The following RALY variants were observed in gnomAD, a reference collection of about 807,000 sequenced individuals.
The protein encoded by RALY is RALY heterogeneous nuclear ribonucleoprotein.
A neutral mutation model predicts 30.7 loss-of-function variants in RALY; 15 were observed. That is an observed-to-expected ratio of 0.49 (90% CI 0.33 to 0.75). The LOEUF is 0.75. Ranked by LOEUF, RALY falls within the 30% of genes least tolerant of loss-of-function variation. RALY has a pLI of 0.02. For missense variants in RALY, 339 were observed against 414.3 expected, an observed-to-expected ratio of 0.82 and a Z score of 1.58; for synonymous variants, 177 against 170.8, an observed-to-expected ratio of 1.04 and a Z score of -0.28.
intron 6 of RALY, 46 bp from the exon 7 acceptor site, chr20:34,076,656 G>A: frequency 6.6e-7 from 1 of 1,525,272 alleles, no homozygotes; most frequent in Non-Finnish European, 9.1e-7. Context: ...CTAGTGTCAA[G>A]CCTCCAGCCC....
At chr20:34,071,957 ATAAGGGTTAAGGAAGG>A in intron 2 of RALY, 93 bp from the exon 3 acceptor site, 1 of 1,241,254 alleles carries the variant, frequency 8.1e-7, no homozygotes, top group South Asian at 1.5e-5. Flanking sequence ...GCTGGATGCT[ATAAGGGTTAAGGAAGG>A]TAAGAGGCAA....
chr20:34,056,032 G>A (rs1297334362), intron 2 of RALY, among the ~76,000 whole-genome samples: 1 of 152,156 alleles, frequency 6.6e-6, no homozygotes, highest in African/African-American at 2.4e-5. Context: ...ACTTACAAGT[G>A]CCTCCTTACT....
At position 34,083,254 on chromosome 20, in the gene RALY, C is replaced by G. The variant is rs542194929; in HGVS notation, c.*3349C>G. The G allele has an allele frequency of 5.3e-5, 8 of 152,282 alleles. No individual in the cohort carries two copies. Among genetic ancestry groups the G allele is most frequent in the African/African-American group, 1.9e-4 (8 of 41,536 alleles). The allele number at this position is 152,282 out of a possible 1,614,324, so 9.4% of individuals were successfully genotyped here. ...TTATCTCATCTGGGCCCTCGTGTGGCTGAAGTGAGCTGGCAGATCAGCTGG... is the reference window on the plus strand; with the variant it reads ...TTATCTCATCTGGGCCCTCGTGTGGGTGAAGTGAGCTGGCAGATCAGCTGG... On this transcript the variant is annotated 3_prime_UTR_variant, in exon 10 of 10. Transcript: ENST00000246194.
chr20:34,036,133 A>C (rs1238538475), intron 2 of RALY, among the ~76,000 whole-genome samples: 1 of 151,998 alleles, frequency 6.6e-6, no homozygotes, highest in Non-Finnish European at 1.5e-5. Context: ...ATAATCTGAC[A>C]TCCATTAAAA....
chr20:34,053,102 C>T (rs980690392), intron 2 of RALY, among the ~76,000 whole-genome samples: 17 of 151,914 alleles, frequency 1.1e-4, no homozygotes, highest in African/African-American at 3.6e-4. Flanking sequence ...TCAGGTGATC[C>T]GCCTGCCTCG....
chr20:34,000,713 T>C (rs1482848757), intron 1 of RALY, among the ~76,000 whole-genome samples: 1 of 152,192 alleles, frequency 6.6e-6, no homozygotes, highest in African/African-American at 2.4e-5. Context: ...TACTTGGGTT[T>C]CTTAGAGGGT....
At chr20:34,023,782 A>G (rs542242380) in intron 1 of RALY, among the ~76,000 whole-genome samples, 1 of 152,000 alleles carries the variant, frequency 6.6e-6, no homozygotes, top group Admixed American at 6.5e-5. Context: ...CCTTATTCCC[A>G]ATCAGGCCAC....
intron 1 of RALY, among the ~76,000 whole-genome samples, chr20:34,028,464 G>A (rs931232170): frequency 6.6e-6 from 1 of 151,678 alleles, no homozygotes; most frequent in African/African-American, 2.4e-5. Flanking sequence ...GGCAGATTTG[G>A]GAGGCCGAGG....
intron 2 of RALY, among the ~76,000 whole-genome samples, chr20:34,060,320 C>T (rs748887082): frequency 6.6e-6 from 1 of 152,190 alleles, no homozygotes; most frequent in Non-Finnish European, 1.5e-5. Flanking sequence ...TGAGTGCCAA[C>T]ATCACATTCA....
At chr20:34,026,620 C>T (rs1344192680) in intron 1 of RALY, among the ~76,000 whole-genome samples, 1 of 151,560 alleles carries the variant, frequency 6.6e-6, no homozygotes, top group Non-Finnish European at 1.5e-5. Flanking sequence ...CCGTGTTAGC[C>T]AGGATGGTCT....
chr20:33,995,826 GTCT>G (rs1313442654), intron 1 of RALY, among the ~76,000 whole-genome samples: 2 of 152,146 alleles, frequency 1.3e-5, no homozygotes, highest in Non-Finnish European at 2.9e-5. Context: ...AAAATTTCCA[GTCT>G]TCTTCCTCCT....
In RALY at chr20:34,026,969, T is replaced by A. The variant is rs148880479; in HGVS notation, c.-92-4553T>A. 3.5e-3 allele frequency among the ~76,000 whole-genome samples: 527 copies of A among 152,264 alleles called. 4 individuals are homozygous for A. The highest frequency in any genetic ancestry group is 0.011 in the African/African-American group (443 of 41,536). ...TTTATTTACTCACAGATACTTAGGC[T>A]GACACAGAGCCTGGCAGGTAGTTCG... On this transcript the variant is annotated intron_variant, in intron 1 of 9. Coordinates refer to ENST00000246194, the MANE Select transcript of RALY (RefSeq NM_016732.3).
intron 2 of RALY, among the ~76,000 whole-genome samples, chr20:34,039,841 G>C (rs1306614451): frequency 6.6e-6 from 1 of 152,122 alleles, no homozygotes; most frequent in Non-Finnish European, 1.5e-5. Context: ...GGCTGGGCGC[G>C]GTGGCTCATG....
At chr20:34,039,296 C>A (rs1382525593) in intron 2 of RALY, among the ~76,000 whole-genome samples, 1 of 152,216 alleles carries the variant, frequency 6.6e-6, no homozygotes. Flanking sequence ...AAGAGAAGAT[C>A]ATAATGGCCT....
Position 34,084,829 on chromosome 20 carries a change from T to TG in RALY, c.*4925dup, listed in dbSNP as rs1024828111. On this transcript the variant is annotated 3_prime_UTR_variant, in exon 10 of 10. Transcript: ENST00000246194. ...AACAAAGTAAGAACTGCCTCACTGA[T>TG]GCCATTCAAAGCCCAGCACCATGAG... 6.6e-6 allele frequency: 1 copy of TG among 152,336 alleles called. No individual in the cohort carries two copies. Among genetic ancestry groups the TG allele is most frequent in the African/African-American group, 2.4e-5 (1 of 41,476 alleles). The allele number at this position is 152,336 out of a possible 1,614,324, so 9.4% of individuals were successfully genotyped here. A position where few individuals can be genotyped will look rare whatever the true frequency, so the allele number is the denominator to read the frequency against.
At chr20:34,067,822 T>TC (rs902945573) in intron 2 of RALY, among the ~76,000 whole-genome samples, 3 of 149,498 alleles carry the variant, frequency 2.0e-5, no homozygotes, top group African/African-American at 7.4e-5. Flanking sequence ...TTTTCTTTTT[T>TC]TTTTTTTTTT....
At chr20:34,002,719 G>A (rs767931212) in intron 1 of RALY, among the ~76,000 whole-genome samples, 4 of 152,164 alleles carry the variant, frequency 2.6e-5, no homozygotes, top group Non-Finnish European at 5.9e-5. Flanking sequence ...GAATATTAGA[G>A]TAGGGGACAA....
chr20:34,077,760 G>A, intron 8 of RALY: 1 of 217,966 alleles, frequency 4.6e-6, no homozygotes. Flanking sequence ...CAAACTCTGA[G>A]TCTGTGGGAT....
intron 2 of RALY, among the ~76,000 whole-genome samples, chr20:34,044,774 G>A (rs1230419346): frequency 6.6e-6 from 1 of 152,210 alleles, no homozygotes; most frequent in Non-Finnish European, 1.5e-5. Flanking sequence ...GTTAGTCACA[G>A]AAAGCCAGCA....
Sources: allele counts gnomAD v4.1 joint callset (sites outside exome capture counted in the v4.1 genomes callset), GRCh38; gene constraint gnomAD v4.1.1; transcripts MANE v1.5; gene names NCBI Gene and HGNC (gene_info 2026-07-23, HGNC 2026-07-21).